Variants in DOCK1 observed in about 807,000 individuals in gnomAD.
DOCK1 encodes dedicator of cytokinesis 1, also known as dedicator of cytokinesis protein 1.
A neutral mutation model predicts 262.7 loss-of-function variants in DOCK1; 138 were observed. That is an observed-to-expected ratio of 0.53 (90% CI 0.46 to 0.61). The LOEUF is 0.61. Ranked by LOEUF, DOCK1 falls within the 20% of genes least tolerant of loss-of-function variation. The probability of loss-of-function intolerance (pLI) is 0.00; values close to 1 mark genes in which losing one functional copy is unlikely to be tolerated. For synonymous variants in DOCK1, 866 were observed against 867.4 expected, an observed-to-expected ratio of 1.00 and a Z score of 0.03; for missense variants, 1,908 against 2,370.7, an observed-to-expected ratio of 0.80 and a Z score of 4.05.
intron 1 of DOCK1, among the ~76,000 whole-genome samples, chr10:126,963,163 T>A (rs2037357018): frequency 6.6e-6 from 1 of 152,208 alleles, no homozygotes; most frequent in African/African-American, 2.4e-5. Flanking sequence ...CCTCCAATTT[T>A]GTTTTTGTTT....
chr10:127,415,351 A>G lies in DOCK1; in HGVS notation c.4515+113A>G, dbSNP rs552140892. On this transcript the variant is annotated intron_variant, in intron 44 of 51. Transcript: ENST00000623213. ...GTCACTGTGGCAGCGTGCACACAGC[A>G]GACTCTACAGTTCCCATAACCACCC... 3.3e-4 allele frequency: 326 copies of G among 983,456 alleles called. 1 individual carries two copies. Among genetic ancestry groups the G allele is most frequent in the Non-Finnish European group, 4.6e-4 (303 of 652,772 alleles). 60.9% of individuals were successfully genotyped at this position (983,456 alleles called of 1,614,324 possible). A position where few individuals can be genotyped will look rare whatever the true frequency, so the allele number is the denominator to read the frequency against.
chr10:127,262,743 C>T (rs976170030), intron 29 of DOCK1, among the ~76,000 whole-genome samples: 1 of 152,198 alleles, frequency 6.6e-6, no homozygotes, highest in Non-Finnish European at 1.5e-5. Flanking sequence ...AGGCATTGCA[C>T]GTTTGCGTTC....
chr10:127,148,895 C>T (rs1249950713), intron 27 of DOCK1, among the ~76,000 whole-genome samples: 4 of 152,030 alleles, frequency 2.6e-5, no homozygotes, highest in East Asian at 3.9e-4. Flanking sequence ...GCATCACAAC[C>T]GAAGGGATGT....
intron 27 of DOCK1, among the ~76,000 whole-genome samples, chr10:127,129,010 T>C (rs1224440752): frequency 6.6e-6 from 1 of 152,220 alleles, no homozygotes; most frequent in Non-Finnish European, 1.5e-5. Flanking sequence ...TCCTGGTGCG[T>C]GACCGTTGTT....
rs769131368 is a variant in DOCK1, at chr10:127,018,700, G to A, written c.1202-10G>A. ...AAAATGCGACTTAAGAGCATCCATTGTTTTTCCAGGTTTGTGGGTAACATT... is the reference window on the plus strand; with the variant it reads ...AAAATGCGACTTAAGAGCATCCATTATTTTTCCAGGTTTGTGGGTAACATT... On this transcript the variant is annotated splice_polypyrimidine_tract_variant and intron_variant, in intron 12 of 51. Coordinates refer to ENST00000623213, the MANE Select transcript of DOCK1 (RefSeq NM_001290223.2). 6.2e-7 allele frequency: 1 copy of A among 1,614,022 alleles called. No individual in the cohort carries two copies. The highest frequency in any genetic ancestry group is 1.1e-5 in the South Asian group (1 of 91,078).
chr10:127,074,777 G>A (rs1027127142), intron 23 of DOCK1, among the ~76,000 whole-genome samples: 19 of 152,102 alleles, frequency 1.2e-4, no homozygotes, highest in African/African-American at 3.9e-4. Context: ...CACAAGTCTC[G>A]TTGATTTTTG....
At chr10:127,381,492 A>C in intron 37 of DOCK1, 124 bp downstream of exon 37, 5 of 752,254 alleles carry the variant, frequency 6.6e-6, no homozygotes, top group Non-Finnish European at 1.0e-5. Context: ...AAATTGACTA[A>C]ATAAATGCAA....
chr10:127,237,400 A>G (rs924068556), intron 27 of DOCK1, among the ~76,000 whole-genome samples: 7 of 151,946 alleles, frequency 4.6e-5, no homozygotes, highest in Non-Finnish European at 1.0e-4. Flanking sequence ...TTATAAACTA[A>G]TGAAAAGAGC....
intron 31 of DOCK1, among the ~76,000 whole-genome samples, chr10:127,348,691 G>C (rs2063753025): frequency 6.6e-6 from 1 of 152,092 alleles, no homozygotes; most frequent in South Asian, 2.1e-4. Flanking sequence ...AGTCTGCAGT[G>C]TTCTAAGAGG....
Position 126,995,805 on chromosome 10 carries a change from A to G in DOCK1, c.474-943A>G, listed in dbSNP as rs1177718989. On this transcript the variant is annotated intron_variant, in intron 6 of 51. Coordinates refer to ENST00000623213, the MANE Select transcript of DOCK1 (RefSeq NM_001290223.2). This position sits in a 1 kb window ranked among gnomAD's most constrained non-coding sequence, Gnocchi z 5.8. The stretch of plus-strand genomic sequence containing the variant: ...AGGAAGTTGCTTAACCTTATTGTAG[A>G]TAACGTCCATATGTTTGGTGTTCAC... Among the ~76,000 whole-genome samples the G allele has an allele frequency of 6.6e-6, 1 of 152,218 alleles. No homozygotes were observed. The highest frequency in any genetic ancestry group is 1.5e-5 in the Non-Finnish European group (1 of 68,044).
intron 27 of DOCK1, among the ~76,000 whole-genome samples, chr10:127,179,320 T>C (rs1449164974): frequency 6.6e-6 from 1 of 152,232 alleles, no homozygotes; most frequent in East Asian, 1.9e-4. Flanking sequence ...TTCTAAGCTC[T>C]TCTCTGTTTT....
intron 27 of DOCK1, among the ~76,000 whole-genome samples, chr10:127,164,019 A>AATG (rs1192022975): frequency 1.3e-5 from 2 of 151,922 alleles, no homozygotes; most frequent in Non-Finnish European, 2.9e-5. Context: ...AAAGGGTAAC[A>AATG]ATGCTGGTGG....
chr10:127,139,810 C>T (rs140260886), intron 27 of DOCK1, among the ~76,000 whole-genome samples: 7 of 152,242 alleles, frequency 4.6e-5, no homozygotes, highest in African/African-American at 7.2e-5. Context: ...ACAATCTCTC[C>T]CCACTGAAAA....
At chr10:127,069,199 C>T (rs1449693118) in intron 23 of DOCK1, among the ~76,000 whole-genome samples, 1 of 152,198 alleles carries the variant, frequency 6.6e-6, no homozygotes, top group Non-Finnish European at 1.5e-5. Flanking sequence ...TTCTTTTCCA[C>T]TTCCTTCTAT....
At chr10:127,381,478 T>C in intron 37 of DOCK1, 110 bp downstream of exon 37, 1 of 877,470 alleles carries the variant, frequency 1.1e-6, no homozygotes, top group Non-Finnish European at 1.7e-6. Flanking sequence ...CTTAAGGTTT[T>C]ATGAAATTGA....
At chr10:127,193,788 A>G (rs528603883) in intron 27 of DOCK1, among the ~76,000 whole-genome samples, 27 of 152,250 alleles carry the variant, frequency 1.8e-4, no homozygotes, top group African/African-American at 6.5e-4. Flanking sequence ...AAACACAAAA[A>G]TTCCCTTTCC....
At chr10:127,198,639 G>A (rs1316410824) in intron 27 of DOCK1, among the ~76,000 whole-genome samples, 2 of 152,112 alleles carry the variant, frequency 1.3e-5, no homozygotes, top group African/African-American at 4.8e-5. Flanking sequence ...GAAGAGGAGA[G>A]TATAACGGAA....
At chr10:127,213,815 G>A (rs1158901121) in intron 27 of DOCK1, among the ~76,000 whole-genome samples, 1 of 152,152 alleles carries the variant, frequency 6.6e-6, no homozygotes, top group Non-Finnish European at 1.5e-5. Context: ...CCTTATTCCA[G>A]CTGATCAGTA....
chr10:127,298,606 T>C (rs2061578939), intron 29 of DOCK1, among the ~76,000 whole-genome samples: 1 of 152,234 alleles, frequency 6.6e-6, no homozygotes, highest in African/African-American at 2.4e-5. Context: ...CTGAGGTTGC[T>C]GTCTGCTCCT....
Sources: allele counts gnomAD v4.1 joint callset (sites outside exome capture counted in the v4.1 genomes callset), GRCh38; gene constraint gnomAD v4.1.1; non-coding constraint Gnocchi (gnomAD v3.1); transcripts MANE v1.5; gene names NCBI Gene and HGNC (gene_info 2026-07-23, HGNC 2026-07-21).